PTPRD: variants seen among roughly 807,000 people sequenced by gnomAD.
PTPRD encodes the protein protein tyrosine phosphatase receptor type D.
Under a neutral mutation model 214.5 loss-of-function variants are expected in PTPRD, and 34 were observed. The ratio of observed to expected loss-of-function variants is 0.16; its 90% confidence interval spans 0.12 to 0.21. The LOEUF (loss-of-function observed/expected upper bound fraction) is 0.21, where lower values mean the gene tolerates loss of function less well. PTPRD is among the 10% of genes least tolerant of loss of function. The probability of loss-of-function intolerance (pLI) is 1.00; values close to 1 mark genes in which losing one functional copy is unlikely to be tolerated. For synonymous variants in PTPRD, 1,128 were observed against 845.7 expected (o/e 1.33, Z -5.79); for missense variants, 2,545 against 2,398.7 (o/e 1.06, Z -1.27).
chr9:10,195,930 G>A (rs909758208), intron 3 of PTPRD, among the ~76,000 whole-genome samples: 3 of 152,094 alleles, frequency 2.0e-5, no homozygotes, highest in African/African-American at 4.8e-5. Flanking sequence ...GATTCCATTT[G>A]TACTACTTTG....
chr9:8,774,858 A>C (rs554204460), intron 11 of PTPRD, among the ~76,000 whole-genome samples: 1 of 152,302 alleles, frequency 6.6e-6, no homozygotes, highest in Admixed American at 6.5e-5. Context: ...TAAAGGGAGA[A>C]AATATATTAG....
intron 11 of PTPRD, among the ~76,000 whole-genome samples, chr9:8,847,174 A>AT (rs5896265): frequency 0.017 from 2,616 of 150,844 alleles, 64 homozygotes; most frequent in African/African-American, 0.061. Flanking sequence ...TTCCTAAAAT[A>AT]TTTTTTTTTT....
intron 9 of PTPRD, among the ~76,000 whole-genome samples, chr9:9,304,285 G>A (rs1420490711): frequency 6.6e-6 from 1 of 152,076 alleles, no homozygotes; most frequent in Non-Finnish European, 1.5e-5. Flanking sequence ...GGGAGTCATA[G>A]GTGAAAAATA....
chr9:10,258,795 T>C (rs770706737), intron 3 of PTPRD, among the ~76,000 whole-genome samples: 19 of 152,188 alleles, frequency 1.2e-4, no homozygotes, highest in Non-Finnish European at 2.5e-4. Context: ...AAACAAGTGG[T>C]TAAAAATTCA....
rs1358576597 is a variant in PTPRD at position 9,525,849 on chromosome 9, C to G, written c.-237+48883G>C. ...TTTGTACAAACAGGGACACATGTGT[C>G]AAACACAACTTGACTGCTTTACAAA... is the stretch of plus-strand genomic sequence containing the variant. On this transcript the variant is annotated intron_variant, in intron 8 of 45. Transcript: ENST00000381196. Among the ~76,000 whole-genome samples, 3 of 150,194 alleles carry G rather than the reference C, an allele frequency of 2.0e-5. No individual in the cohort carries two copies. In the South Asian group the frequency reaches 6.3e-4, roughly 32 times the overall value.
At position 9,244,246 on chromosome 9, in the gene PTPRD, T is replaced by A. The variant is rs188678838; in HGVS notation, c.-202-60883A>T. Among the ~76,000 whole-genome samples the A allele has an allele frequency of 7.8e-3, 1,184 of 152,162 alleles. 61 individuals are homozygous for A. Among genetic ancestry groups the A allele is most frequent in the Admixed American group, 0.072 (1,104 of 15,264 alleles). ...TTATAGATTCAATGCCATCCCCATC[T>A]AGCTACCAATGACTTTCTTCACAGA... On this transcript the variant is annotated intron_variant, in intron 9 of 45. Transcript: ENST00000381196.
intron 11 of PTPRD, among the ~76,000 whole-genome samples, chr9:8,824,605 A>C (rs919113010): frequency 2.0e-5 from 3 of 152,226 alleles, no homozygotes; most frequent in African/African-American, 7.2e-5. Flanking sequence ...AAAATAAGTT[A>C]TTTTAAGTAA....
chr9:10,448,017 T>C (rs1215613348), intron 2 of PTPRD, among the ~76,000 whole-genome samples: 2 of 151,998 alleles, frequency 1.3e-5, no homozygotes, highest in Non-Finnish European at 2.9e-5. Flanking sequence ...TTTGTGTGTA[T>C]AATGTGTGTA....
intron 2 of PTPRD, among the ~76,000 whole-genome samples, chr9:10,431,162 T>C (rs1028648740): frequency 6.6e-6 from 1 of 152,028 alleles, no homozygotes; most frequent in East Asian, 1.9e-4. Flanking sequence ...TCTCTCCTTT[T>C]ATTTTCTTAT....
At chr9:9,597,357 A>T (rs1344615018) in intron 7 of PTPRD, among the ~76,000 whole-genome samples, 1 of 152,048 alleles carries the variant, frequency 6.6e-6, no homozygotes, top group Non-Finnish European at 1.5e-5. Flanking sequence ...GACAACTTAT[A>T]CTTTTAAATG....
chr9:10,169,202 C>T (rs918614920), intron 3 of PTPRD, among the ~76,000 whole-genome samples: 19 of 152,036 alleles, frequency 1.2e-4, no homozygotes, highest in South Asian at 4.1e-4. Context: ...AGGCCGGGCG[C>T]GGTGGCTCAC....
At chr9:8,333,553 A>G (rs982825143) in intron 43 of PTPRD, among the ~76,000 whole-genome samples, 2 of 152,176 alleles carry the variant, frequency 1.3e-5, no homozygotes, top group Non-Finnish European at 2.9e-5. Flanking sequence ...TCCTGAAGGA[A>G]GCACTAAACA....
chr9:9,622,630 C>A (rs897728828), intron 7 of PTPRD, among the ~76,000 whole-genome samples: 1 of 152,092 alleles, frequency 6.6e-6, no homozygotes, highest in Non-Finnish European at 1.5e-5. Context: ...AAGTTCTGAT[C>A]ATTGCTGGGA....
intron 2 of PTPRD, among the ~76,000 whole-genome samples, chr9:10,466,312 T>G (rs1428738848): frequency 6.6e-6 from 1 of 152,050 alleles, no homozygotes; most frequent in Admixed American, 6.6e-5. Context: ...TCTCAATTAT[T>G]TGAAGATAAA....
chr9:9,372,273 C>T (rs534656634), intron 9 of PTPRD, among the ~76,000 whole-genome samples: 1 of 152,066 alleles, frequency 6.6e-6, no homozygotes, highest in East Asian at 1.9e-4. Flanking sequence ...TCACAAAGGA[C>T]TTGCTTTATG....
intron 6 of PTPRD, among the ~76,000 whole-genome samples, chr9:9,747,080 T>C (rs1032808609): frequency 2.0e-5 from 3 of 152,142 alleles, no homozygotes; most frequent in African/African-American, 7.2e-5. Context: ...CATGCTCCAC[T>C]GCTGGAGAGA....
chr9:9,206,332 C>T (rs917107866), intron 9 of PTPRD, among the ~76,000 whole-genome samples: 14 of 152,098 alleles, frequency 9.2e-5, no homozygotes, highest in Non-Finnish European at 1.2e-4. Flanking sequence ...TGCGTAAAGG[C>T]ATGACATGAT....
chr9:9,790,508 C>A (rs2098959818), intron 5 of PTPRD, among the ~76,000 whole-genome samples: 1 of 152,136 alleles, frequency 6.6e-6, no homozygotes, highest in Non-Finnish European at 1.5e-5. Flanking sequence ...GTGGCTTTAT[C>A]TCAAATGTTT....
intron 12 of PTPRD, among the ~76,000 whole-genome samples, chr9:8,710,549 G>A (rs962869361): frequency 4.6e-5 from 7 of 152,142 alleles, no homozygotes; most frequent in African/African-American, 1.7e-4. Context: ...CCAACAGGTC[G>A]AGGCTGAGGT....
Sources: gnomAD v4.1 joint callset for allele counts (sites outside exome capture counted in the v4.1 genomes callset) on GRCh38, gnomAD v4.1.1 for gene constraint, MANE v1.5 for transcripts, NCBI Gene and HGNC (gene_info 2026-07-23, HGNC 2026-07-21) for gene names.